GPATCH1: variants seen among roughly 807,000 people sequenced by gnomAD.
GPATCH1 encodes the protein G patch domain-containing protein 1.
A neutral mutation model predicts 114.9 loss-of-function variants in GPATCH1; 73 were observed. The ratio of observed to expected loss-of-function variants is 0.64; its 90% CI spans 0.53 to 0.77. The LOEUF (loss-of-function observed/expected upper bound fraction) is 0.77, where lower values mean the gene tolerates loss of function less well. Ranked by LOEUF, GPATCH1 falls within the 30% of genes least tolerant of loss-of-function variation. GPATCH1 has a pLI of 0.00. For synonymous variants in GPATCH1, 391 were observed against 428.4 expected (o/e 0.91, Z 1.08); for missense variants, 1,058 against 1,144.3 (o/e 0.92, Z 1.09).
chr19:33,088,112 CTTTTTTTT>C lies in GPATCH1; in HGVS notation c.74-10_74-3del. ...TCTCCTCTCTTTTTCATTTAAAAAA[CTTTTTTTT>C]TTTTTTTTTTTAGGTGAAAGACCAA... On this transcript the variant is annotated splice_polypyrimidine_tract_variant and intron_variant, in intron 1 of 19. Coordinates refer to ENST00000170564, the MANE Select transcript of GPATCH1 (RefSeq NM_018025.3). 2.7e-6 allele frequency: 3 copies of C among 1,103,906 alleles called. No individual in the cohort carries two copies. Among genetic ancestry groups the C allele is most frequent in the African/African-American group, 1.9e-5 (1 of 53,808 alleles). 68.4% of individuals were successfully genotyped at this position (1,103,906 alleles called of 1,614,324 possible). A position where few individuals can be genotyped will look rare whatever the true frequency, so the allele number is the denominator to read the frequency against.
chr19:33,120,522 C>T (rs1421168591), intron 17 of GPATCH1, among the ~76,000 whole-genome samples: 1 of 134,578 alleles, frequency 7.4e-6, no homozygotes, highest in Non-Finnish European at 1.5e-5. Flanking sequence ...GCACTCCAGT[C>T]TGGGTGACAG....
intron 10 of GPATCH1, among the ~76,000 whole-genome samples, 199 bp downstream of exon 10, chr19:33,107,098 C>T (rs1013645810): frequency 1.3e-5 from 2 of 151,904 alleles, no homozygotes; most frequent in African/African-American, 4.8e-5. Context: ...TATTTTTAAA[C>T]TTATTTATTT....
At chr19:33,126,381 C>T (rs536425611) in intron 18 of GPATCH1, among the ~76,000 whole-genome samples, 21 of 152,260 alleles carry the variant, frequency 1.4e-4, no homozygotes, top group African/African-American at 4.6e-4. Flanking sequence ...TTGCTGGAGG[C>T]GCAGCTGGGT....
chr19:33,119,666 C>G (rs1447426746), intron 17 of GPATCH1, among the ~76,000 whole-genome samples: 3 of 150,400 alleles, frequency 2.0e-5, no homozygotes, highest in Non-Finnish European at 4.4e-5. Context: ...CCATTGCACT[C>G]CAGCCCAGGT....
intron 9 of GPATCH1, among the ~76,000 whole-genome samples, chr19:33,105,686 G>T (rs976995244): frequency 2.2e-4 from 34 of 151,566 alleles, no homozygotes; most frequent in South Asian, 1.3e-3. Context: ...ACCACACCTG[G>T]CTAATTTTTG....
chr19:33,092,986 C>T (rs1307297566), intron 3 of GPATCH1, among the ~76,000 whole-genome samples: 16 of 151,312 alleles, frequency 1.1e-4, no homozygotes, highest in Admixed American at 9.2e-4. Context: ...GTCAGGAGTT[C>T]GAGACCAGCC....
At chr19:33,107,957 C>G (rs183547937) in intron 10 of GPATCH1, among the ~76,000 whole-genome samples, 3 of 151,812 alleles carry the variant, frequency 2.0e-5, no homozygotes, top group Non-Finnish European at 4.4e-5. Flanking sequence ...CCTATTAACT[C>G]GTCATTTACA....
chr19:33,095,784 C>T lies in GPATCH1; in HGVS notation c.576C>T (p.Gly192=), dbSNP rs1435927120. Residue 192 remains glycine (G), a synonymous_variant, in exon 6 of 20, where the codon GGC becomes GGT. Transcript: ENST00000170564. ...QKPDPGVKIY[G]CALPPGSSEG... is the part of the protein sequence containing the mutation. The stretch of plus-strand genomic sequence containing the variant: ...TAGATCCTGGAGTCAAAATCTATGG[C>T]TGTGCATTACCCCCTGGAAGCTCGG... 6.2e-7 allele frequency: 1 copy of T among 1,611,054 alleles called. No individual in the cohort carries two copies. Among genetic ancestry groups the T allele is most frequent in the Non-Finnish European group, 8.5e-7 (1 of 1,177,392 alleles).
chr19:33,118,023 A>T lies in GPATCH1; in HGVS notation c.2395A>T (p.Thr799Ser), dbSNP rs901560392. 6.2e-6 allele frequency: 10 copies of T among 1,613,212 alleles called. No individual in the cohort carries two copies. The highest frequency in any genetic ancestry group is 8.5e-6 in the Non-Finnish European group (10 of 1,179,406). The change falls in exon 16 of 20, where the codon ACA becomes TCA. Residue 799 changes from threonine (T) to serine (S), a missense_variant. Around this residue, in one of 3 missense-constraint regions of GPATCH1, gnomAD observed 893 missense variants for 977.4 expected, o/e 0.91. Coordinates refer to ENST00000170564, the MANE Select transcript of GPATCH1 (RefSeq NM_018025.3). ...QSSQDTDLGETSSVAHALVPA... is the reference protein window; with the variant it reads ...QSSQDTDLGESSSVAHALVPA... ...CTCCCAAGACACTGACTTGGGGGAAACATCATCTGTGGCTCACGGTATGTC... is the reference window on the plus strand; with the variant it reads ...CTCCCAAGACACTGACTTGGGGGAATCATCATCTGTGGCTCACGGTATGTC...
chr19:33,084,810 G>A (rs932637917), intron 1 of GPATCH1, among the ~76,000 whole-genome samples: 2 of 151,938 alleles, frequency 1.3e-5, no homozygotes, highest in South Asian at 4.2e-4. Flanking sequence ...ACAGGCGCAT[G>A]CCACCACGCC....
Position 33,111,920 on chromosome 19 carries a change from C to G in GPATCH1, c.1764+18C>G. On this transcript the variant is annotated intron_variant, in intron 12 of 19. Transcript: ENST00000170564. ...ACCAAGAGGTCTGTTGTCACCATGT[C>G]CCTTACCTGGTGAACTTTAATATTA... 3 of 1,579,704 alleles carry G rather than the reference C, an allele frequency of 1.9e-6. No homozygotes were observed. Among genetic ancestry groups the G allele is most frequent in the Non-Finnish European group, 2.6e-6 (3 of 1,151,184 alleles).
At chr19:33,089,421 G>T (rs544835265) in intron 2 of GPATCH1, among the ~76,000 whole-genome samples, 1 of 152,248 alleles carries the variant, frequency 6.6e-6, no homozygotes, top group Non-Finnish European at 1.5e-5. Context: ...TAAATGCCAA[G>T]TTGTTTAAAG....
intron 19 of GPATCH1, 122 bp downstream of exon 19, chr19:33,126,855 G>T (rs190429379): frequency 1.2e-6 from 1 of 813,804 alleles, no homozygotes; most frequent in Non-Finnish European, 1.9e-6. Flanking sequence ...AGTGGCTCAC[G>T]CCTATAATCC....
intron 10 of GPATCH1, among the ~76,000 whole-genome samples, chr19:33,109,035 A>G (rs1972818952): frequency 6.6e-6 from 1 of 151,820 alleles, no homozygotes; most frequent in African/African-American, 2.4e-5. Context: ...CTTGGGAAAC[A>G]TGGCGTAATC....
intron 10 of GPATCH1, among the ~76,000 whole-genome samples, chr19:33,108,500 G>A (rs555299301): frequency 6.6e-6 from 1 of 151,560 alleles, no homozygotes; most frequent in South Asian, 2.1e-4. Flanking sequence ...ATATTTTTGT[G>A]AATCTGGCTC....
At chr19:33,124,495 A>C (rs960187895) in intron 17 of GPATCH1, among the ~76,000 whole-genome samples, 1 of 152,136 alleles carries the variant, frequency 6.6e-6, no homozygotes, top group Non-Finnish European at 1.5e-5. Flanking sequence ...TTTTGATGGT[A>C]GTTTTTTCAG....
intron 17 of GPATCH1, among the ~76,000 whole-genome samples, chr19:33,122,570 G>A (rs1305661564): frequency 1.3e-5 from 2 of 152,036 alleles, no homozygotes; most frequent in Non-Finnish European, 2.9e-5. Flanking sequence ...TGATCTGCCC[G>A]CCTCAACCTC....
In GPATCH1 at chr19:33,112,474, G is replaced by A; in HGVS notation, c.1765-12G>A. On this transcript the variant is annotated splice_polypyrimidine_tract_variant and intron_variant, in intron 12 of 19. Transcript: ENST00000170564. ...GGCCACTTGATGGAACAGAATGCAT[G>A]TCTTTTTCCAGAATGATGTCGGGGA... 6.2e-7 allele frequency: 1 copy of A among 1,613,942 alleles called. No homozygotes were observed. The highest frequency in any genetic ancestry group is 8.5e-7 in the Non-Finnish European group (1 of 1,179,940).
intron 2 of GPATCH1, among the ~76,000 whole-genome samples, chr19:33,088,692 T>G (rs1257761835): frequency 7.3e-6 from 1 of 136,518 alleles, no homozygotes; most frequent in African/African-American, 2.9e-5. Context: ...AGTCTTGCAC[T>G]GTTGCCCAGG....
Sources: gnomAD v4.1 joint callset for allele counts (sites outside exome capture counted in the v4.1 genomes callset) on GRCh38, gnomAD v4.1.1 for gene constraint, gnomAD v4.1.1 regional missense constraint, MANE v1.5 for transcripts, NCBI Gene and HGNC (gene_info 2026-07-23, HGNC 2026-07-21) for gene names.